Variants in ZSWIM6 observed in about 807,000 individuals in gnomAD.
ZSWIM6 encodes the protein zinc finger SWIM domain-containing protein 6.
Under a neutral mutation model 113.2 loss-of-function variants are expected in ZSWIM6, and 9 were observed. The ratio of observed to expected loss-of-function variants is 0.08; its 90% CI spans 0.05 to 0.14. ZSWIM6 has a LOEUF of 0.14. Among genes scored for constraint, ZSWIM6 ranks in the 10% least tolerant of loss-of-function variants. ZSWIM6 has a pLI of 1.00. For missense variants in ZSWIM6, 1,162 were observed against 1,552.2 expected, an observed-to-expected ratio of 0.75 and a Z score of 4.22; for synonymous variants, 611 against 606.5, an observed-to-expected ratio of 1.01 and a Z score of -0.11.
intron 1 of ZSWIM6, among the ~76,000 whole-genome samples, chr5:61,381,137 C>T (rs1192279110): frequency 2.0e-5 from 3 of 152,162 alleles, no homozygotes; most frequent in African/African-American, 7.2e-5. Flanking sequence ...CCTGTAATCC[C>T]AGCTACTCGG....
intron 1 of ZSWIM6, among the ~76,000 whole-genome samples, chr5:61,378,831 C>T (rs770276806): frequency 1.3e-5 from 2 of 151,990 alleles, no homozygotes; most frequent in Non-Finnish European, 2.9e-5. Context: ...GCTGGGATTA[C>T]AGGCGTGAGC....
chr5:61,513,783 TG>T (rs1364280716), intron 4 of ZSWIM6, among the ~76,000 whole-genome samples: 1 of 152,092 alleles, frequency 6.6e-6, no homozygotes, highest in East Asian at 1.9e-4. Flanking sequence ...TTTGTATAGG[TG>T]TATTTCTGAA....
intron 1 of ZSWIM6, among the ~76,000 whole-genome samples, chr5:61,369,672 G>A (rs901605202): frequency 2.0e-5 from 3 of 152,136 alleles, no homozygotes; most frequent in Non-Finnish European, 2.9e-5. Context: ...CCTGACTGAC[G>A]GGGCATTAGT....
At chr5:61,508,421 T>G (rs1748686373) in intron 4 of ZSWIM6, among the ~76,000 whole-genome samples, 3 of 152,210 alleles carry the variant, frequency 2.0e-5, no homozygotes, top group Admixed American at 2.0e-4. Context: ...CTATTAAATT[T>G]TCATAATGAC....
intron 1 of ZSWIM6, among the ~76,000 whole-genome samples, chr5:61,370,384 TTCC>T (rs1745241374): frequency 6.6e-6 from 1 of 152,260 alleles, no homozygotes; most frequent in Non-Finnish European, 1.5e-5. Flanking sequence ...TTTAGTGTTT[TTCC>T]TCCTTGTATT....
At chr5:61,526,188 A>T (rs1749277718) in intron 6 of ZSWIM6, 62 bp from the exon 7 acceptor site, 1 of 1,493,556 alleles carries the variant, frequency 6.7e-7, no homozygotes. Flanking sequence ...CTTACTATTA[A>T]ATTCTTTTTT....
chr5:61,528,690 C>T (rs148886268), intron 7 of ZSWIM6, among the ~76,000 whole-genome samples: 8 of 151,660 alleles, frequency 5.3e-5, no homozygotes, highest in Non-Finnish European at 1.0e-4. Context: ...TGGGTTCAAG[C>T]GATTCTCCTG....
At chr5:61,502,905 C>T (rs895068212) in intron 4 of ZSWIM6, among the ~76,000 whole-genome samples, 3 of 152,170 alleles carry the variant, frequency 2.0e-5, no homozygotes, top group Admixed American at 1.3e-4. Context: ...ACTGCCACCC[C>T]GCCCCCGCCA....
intron 1 of ZSWIM6, among the ~76,000 whole-genome samples, chr5:61,448,727 G>T (rs771711223): frequency 6.6e-6 from 1 of 152,046 alleles, no homozygotes; most frequent in Non-Finnish European, 1.5e-5. Context: ...AGAAATATAT[G>T]GGGGTATGAT....
intron 2 of ZSWIM6, among the ~76,000 whole-genome samples, chr5:61,483,507 CTGTATCTATGTA>C (rs1217571446): frequency 1.3e-5 from 2 of 152,084 alleles, no homozygotes; most frequent in African/African-American, 4.8e-5. Context: ...GAACCAAAAT[CTGTATCTATGTA>C]TGTATATATG....
intron 2 of ZSWIM6, among the ~76,000 whole-genome samples, chr5:61,482,563 A>G (rs1417661507): frequency 2.0e-5 from 3 of 152,208 alleles, no homozygotes; most frequent in Non-Finnish European, 2.9e-5. Flanking sequence ...TTATTGTTGT[A>G]GACATTAAAT....
chr5:61,391,661 CCTT>C, intron 1 of ZSWIM6: 2 of 1,008,272 alleles, frequency 2.0e-6, no homozygotes, highest in Non-Finnish European at 3.2e-6. Context: ...TCTATCACTT[CCTT>C]CTTGTTCACC....
rs966211658 is a variant in ZSWIM6 at position 61,500,485 on chromosome 5, G to C, written c.1333+6075G>C. Among the ~76,000 whole-genome samples, 3 of 152,108 alleles carry C rather than the reference G, an allele frequency of 2.0e-5. No individual in the cohort carries two copies. In the South Asian group the frequency reaches 6.2e-4, roughly 32 times the overall value. ...CCAGGTAGTCTCTCTACTCGGAGCA[G>C]AGCAAGGTCAAAGCGAAGCTCACCT... is the stretch of plus-strand genomic sequence containing the variant. On this transcript the variant is annotated intron_variant, in intron 4 of 13. Coordinates refer to ENST00000252744, the MANE Select transcript of ZSWIM6 (RefSeq NM_020928.2).
intron 4 of ZSWIM6, among the ~76,000 whole-genome samples, chr5:61,519,522 T>C (rs1274329803): frequency 6.6e-6 from 1 of 152,150 alleles, no homozygotes; most frequent in African/African-American, 2.4e-5. Flanking sequence ...GCTCTTACTT[T>C]TCAGAATCCT....
intron 1 of ZSWIM6, among the ~76,000 whole-genome samples, chr5:61,445,196 T>C (rs1746925607): frequency 6.6e-6 from 1 of 152,168 alleles, no homozygotes. Flanking sequence ...GCCAAACTTA[T>C]CAAAGTAAGA....
intron 1 of ZSWIM6, among the ~76,000 whole-genome samples, chr5:61,357,858 C>G (rs561996088): frequency 6.6e-6 from 1 of 151,976 alleles, no homozygotes; most frequent in South Asian, 2.1e-4. Context: ...TACCTTACAC[C>G]TTTGAAGGAT....
At chr5:61,391,906 G>C (rs1426668327) in intron 1 of ZSWIM6, 2 of 577,350 alleles carry the variant, frequency 3.5e-6, no homozygotes, top group African/African-American at 3.8e-5. Flanking sequence ...AGCAAAAAAT[G>C]GTATTTTCAA....
At chr5:61,476,142 T>G (rs1192445331) in intron 2 of ZSWIM6, among the ~76,000 whole-genome samples, 1 of 152,202 alleles carries the variant, frequency 6.6e-6, no homozygotes, top group Non-Finnish European at 1.5e-5. Context: ...AACAGTAGGT[T>G]TTTCCCCTTT....
At chr5:61,346,660 T>G (rs933889217) in intron 1 of ZSWIM6, among the ~76,000 whole-genome samples, 2 of 152,212 alleles carry the variant, frequency 1.3e-5, no homozygotes, top group Non-Finnish European at 2.9e-5. Flanking sequence ...GGTAGTTTGA[T>G]TAGTGCTGTT....
Sources: allele counts gnomAD v4.1 joint callset (sites outside exome capture counted in the v4.1 genomes callset), GRCh38; gene constraint gnomAD v4.1.1; transcripts MANE v1.5; gene names NCBI Gene and HGNC (gene_info 2026-07-23, HGNC 2026-07-21).